RASGEF1A: variants seen among roughly 807,000 people sequenced by gnomAD.
RASGEF1A encodes RasGEF domain family member 1A.
RASGEF1A carries 18 observed loss-of-function variants against 56.4 expected under a neutral mutation model. The ratio of observed to expected loss-of-function variants is 0.32; its 90% CI spans 0.22 to 0.47. The LOEUF (loss-of-function observed/expected upper bound fraction) is 0.47. Among genes scored for constraint, RASGEF1A ranks in the 20% least tolerant of loss-of-function variants. The pLI, the probability that RASGEF1A is intolerant of heterozygous loss-of-function variation, is 1.00. For missense variants in RASGEF1A, 422 were observed against 627.1 expected, an observed-to-expected ratio of 0.67 and a Z score of 3.49; for synonymous variants, 245 against 242.6, an observed-to-expected ratio of 1.01 and a Z score of -0.09.
intron 1 of RASGEF1A, among the ~76,000 whole-genome samples, chr10:43,232,933 C>T (rs1298163130): frequency 6.6e-6 from 1 of 152,186 alleles, no homozygotes; most frequent in Non-Finnish European, 1.5e-5. Context: ...ACCTCAATCT[C>T]GATGAAGGCA....
At chr10:43,229,651 A>G in intron 1 of RASGEF1A, 1 of 1,492,680 alleles carries the variant, frequency 6.7e-7, no homozygotes, top group Non-Finnish European at 8.9e-7. Context: ...GGCTCCAGGA[A>G]CATTCTGGCC....
chr10:43,265,833 TG>T (rs1045795533), intron 1 of RASGEF1A, among the ~76,000 whole-genome samples: 72 of 152,136 alleles, frequency 4.7e-4, no homozygotes, highest in African/African-American at 1.6e-3. Context: ...GGGAGAACCC[TG>T]GGGGGACAGA....
chr10:43,252,915 C>T (rs960851872), intron 1 of RASGEF1A, among the ~76,000 whole-genome samples: 10 of 152,102 alleles, frequency 6.6e-5, no homozygotes, highest in South Asian at 6.2e-4. Flanking sequence ...ACTCATCGTC[C>T]GCACCCCACT....
At chr10:43,229,415 G>T (rs1053487603) in intron 1 of RASGEF1A, among the ~76,000 whole-genome samples, 1 of 152,198 alleles carries the variant, frequency 6.6e-6, no homozygotes, top group East Asian at 1.9e-4. Context: ...CGGCGTCCGC[G>T]GGCCGCGCCG....
At chr10:43,261,374 C>T (rs528484444) in intron 1 of RASGEF1A, among the ~76,000 whole-genome samples, 2 of 152,166 alleles carry the variant, frequency 1.3e-5, no homozygotes, top group African/African-American at 2.4e-5. Flanking sequence ...GCCCTGTCCC[C>T]GTAGCGGGGC....
intron 1 of RASGEF1A, among the ~76,000 whole-genome samples, chr10:43,257,761 G>A (rs1836449083): frequency 6.6e-6 from 1 of 152,202 alleles, no homozygotes; most frequent in African/African-American, 2.4e-5. Context: ...ATTTTCACAT[G>A]TGCTGTATAA....
At chr10:43,227,384 A>G (rs1219012885) in intron 1 of RASGEF1A, among the ~76,000 whole-genome samples, 2 of 146,498 alleles carry the variant, frequency 1.4e-5, no homozygotes, top group Non-Finnish European at 3.0e-5. Flanking sequence ...CATCCTGGCC[A>G]GGCCTGGACC....
chr10:43,249,926 G>C (rs1588950573), intron 1 of RASGEF1A, among the ~76,000 whole-genome samples: 1 of 152,326 alleles, frequency 6.6e-6, no homozygotes, highest in East Asian at 1.9e-4. Flanking sequence ...GTGTTTAAAA[G>C]CAAGATTTAA....
intron 1 of RASGEF1A, among the ~76,000 whole-genome samples, chr10:43,264,038 G>A (rs994778804): frequency 1.3e-5 from 2 of 152,058 alleles, no homozygotes; most frequent in Admixed American, 1.3e-4. Context: ...GAGCCCTGAG[G>A]CCAGAGCCCC....
chr10:43,249,695 T>G (rs1211982489), intron 1 of RASGEF1A, among the ~76,000 whole-genome samples: 1 of 152,184 alleles, frequency 6.6e-6, no homozygotes, highest in African/African-American at 2.4e-5. Context: ...CCTGTTCCCC[T>G]TGCCTGCCAA....
At chr10:43,214,945 G>A (rs140419349) in intron 1 of RASGEF1A, among the ~76,000 whole-genome samples, 11 of 152,314 alleles carry the variant, frequency 7.2e-5, no homozygotes, top group Non-Finnish European at 1.3e-4. Context: ...CCAAGAGGCC[G>A]TAATGTGCAG....
rs1588924695 is a variant in RASGEF1A, at chr10:43,198,110, C to G, written c.1118G>C (p.Ser373Thr). ...ATQRSQMANS[S>T]REKIVIPVFN... is the part of the protein sequence containing the mutation. ...CACAGGGATGACGATCTTTTCACGG[C>G]TGCTGTTGGCCATCTGGGACCTCTG... The change falls in exon 10 of 13, where the codon AGC becomes ACC. Residue 373 changes from serine (S) to threonine (T), a missense_variant. Ser to Thr is a moderately conservative substitution (Grantham distance 58). Around this residue, in one of 2 missense-constraint regions of RASGEF1A, gnomAD observed 149 missense variants for 287.2 expected, o/e 0.52. Coordinates refer to ENST00000395810, the MANE Select transcript of RASGEF1A (RefSeq NM_145313.4). The G allele has an allele frequency of 6.2e-7, 1 of 1,614,228 alleles. No homozygotes were observed. Among genetic ancestry groups the G allele is most frequent in the Non-Finnish European group, 8.5e-7 (1 of 1,180,016 alleles).
At chr10:43,215,258 C>A (rs80210545) in intron 1 of RASGEF1A, among the ~76,000 whole-genome samples, 8,512 of 152,258 alleles carry the variant, frequency 0.056, 614 homozygotes, top group African/African-American at 0.17. Context: ...TCGAGCCAGC[C>A]CCCTGCCTCT....
chr10:43,250,298 A>T (rs1455465199), intron 1 of RASGEF1A, among the ~76,000 whole-genome samples: 1 of 152,092 alleles, frequency 6.6e-6, no homozygotes, highest in Non-Finnish European at 1.5e-5. Flanking sequence ...TGGGGAGAGC[A>T]CCTGTCATGG....
chr10:43,265,496 CT>C (rs1245431471), intron 1 of RASGEF1A, among the ~76,000 whole-genome samples: 3 of 152,272 alleles, frequency 2.0e-5, no homozygotes, highest in Non-Finnish European at 2.9e-5. Context: ...CACACACTGG[CT>C]GGAGGGGCAG....
At chr10:43,209,961 T>A (rs1588933177) in intron 1 of RASGEF1A, among the ~76,000 whole-genome samples, 1 of 152,100 alleles carries the variant, frequency 6.6e-6, no homozygotes, top group African/African-American at 2.4e-5. Flanking sequence ...TCTAGACCCT[T>A]CCCCTACAGC....
chr10:43,229,784 G>A (rs1484196624), intron 1 of RASGEF1A: 12 of 1,269,554 alleles, frequency 9.5e-6, no homozygotes, highest in East Asian at 3.2e-5. Flanking sequence ...CGCTGGAGGG[G>A]TGGGACCCCG....
chr10:43,246,530 G>A (rs1021545825), intron 1 of RASGEF1A, among the ~76,000 whole-genome samples: 17 of 152,296 alleles, frequency 1.1e-4, no homozygotes, highest in African/African-American at 3.9e-4. Flanking sequence ...TTACTACAAA[G>A]CTACAGTAAC....
chr10:43,232,910 C>G (rs1260741101), intron 1 of RASGEF1A, among the ~76,000 whole-genome samples: 1 of 152,180 alleles, frequency 6.6e-6, no homozygotes, highest in African/African-American at 2.4e-5. Flanking sequence ...GAGTCAGAAG[C>G]TCCGTGACTC....
Sources: gnomAD v4.1 joint callset for allele counts (sites outside exome capture counted in the v4.1 genomes callset) on GRCh38, gnomAD v4.1.1 for gene constraint, gnomAD v4.1.1 regional missense constraint, MANE v1.5 for transcripts, NCBI Gene and HGNC (gene_info 2026-07-23, HGNC 2026-07-21) for gene names.